Variants in SPTBN1 observed in about 807,000 individuals in gnomAD.
SPTBN1 encodes the protein spectrin beta, non-erythrocytic 1.
In SPTBN1, 32 loss-of-function variants were observed where a neutral mutation model predicts 266.4. The ratio of observed to expected loss-of-function variants is 0.12; its 90% confidence interval spans 0.09 to 0.16. SPTBN1 has a LOEUF of 0.16. SPTBN1 is among the 10% of genes least tolerant of loss of function. The pLI, the probability that SPTBN1 is intolerant of heterozygous loss-of-function variation, is 1.00. For synonymous variants in SPTBN1, 1,336 were observed against 1,162.2 expected (o/e 1.15, Z -3.04); for missense variants, 2,296 against 3,067.1 (o/e 0.75, Z 5.94).
chr2:54,475,834 G>T (rs146483329), intron 1 of SPTBN1, among the ~76,000 whole-genome samples: 1 of 152,044 alleles, frequency 6.6e-6, no homozygotes, highest in Non-Finnish European at 1.5e-5. Context: ...TGTGTCAAAG[G>T]CCTCACCTCC....
At chr2:54,568,611 T>G (rs1327609602) in intron 2 of SPTBN1, among the ~76,000 whole-genome samples, 1 of 152,218 alleles carries the variant, frequency 6.6e-6, no homozygotes, top group Non-Finnish European at 1.5e-5. Flanking sequence ...GAAGTAAGTC[T>G]TTTATAGAAT....
chr2:54,544,045 C>T (rs1672096086), intron 2 of SPTBN1, among the ~76,000 whole-genome samples: 1 of 152,154 alleles, frequency 6.6e-6, no homozygotes, highest in Non-Finnish European at 1.5e-5. Context: ...ATTTATAATA[C>T]TTAAAATGTG....
chr2:54,644,208 G>A, intron 19 of SPTBN1, 115 bp from the exon 20 acceptor site: 1 of 1,299,312 alleles, frequency 7.7e-7, no homozygotes, highest in South Asian at 1.4e-5. Context: ...GAAAGACTGT[G>A]TGTATTGAGT....
chr2:54,461,552 T>G (rs1474309456), intron 1 of SPTBN1, among the ~76,000 whole-genome samples: 1 of 152,258 alleles, frequency 6.6e-6, no homozygotes, highest in African/African-American at 2.4e-5. Flanking sequence ...GCGATTATGT[T>G]GATCGTGTTC....
At chr2:54,582,253 A>G (rs1206321391) in intron 2 of SPTBN1, among the ~76,000 whole-genome samples, 13 of 152,190 alleles carry the variant, frequency 8.5e-5, no homozygotes, top group Non-Finnish European at 1.5e-5. Context: ...ATGCCAGAGC[A>G]TAAGGGATGT....
At position 54,577,751 on chromosome 2, in the gene SPTBN1, G is replaced by A. The variant is rs556073684; in HGVS notation, c.149-21341G>A. Among the ~76,000 whole-genome samples the A allele has an allele frequency of 8.5e-5, 13 of 152,296 alleles. 1 individual carries two copies. The highest frequency in any genetic ancestry group is 1.9e-4 in the East Asian group (1 of 5,188). ...GCCAGGATTCCAACCCACGCAGTGC[G>A]CTTTGGGACTCAATTTTTAACCATC... On this transcript the variant is annotated intron_variant, in intron 2 of 35. Coordinates refer to ENST00000356805, the MANE Select transcript of SPTBN1 (RefSeq NM_003128.3).
chr2:54,459,535 G>A (rs532414383), intron 1 of SPTBN1, among the ~76,000 whole-genome samples: 19 of 152,182 alleles, frequency 1.2e-4, no homozygotes, highest in African/African-American at 4.6e-4. Flanking sequence ...ATTCAGTGTG[G>A]ATTTTGTCGA....
chr2:54,493,093 C>T (rs1372452616), intron 1 of SPTBN1, among the ~76,000 whole-genome samples: 1 of 149,220 alleles, frequency 6.7e-6, no homozygotes, highest in Non-Finnish European at 1.5e-5. Context: ...GCAACCTCCG[C>T]TTCCTGGGTT....
chr2:54,543,013 C>T (rs1419011025), intron 2 of SPTBN1, among the ~76,000 whole-genome samples: 1 of 152,200 alleles, frequency 6.6e-6, no homozygotes, highest in Non-Finnish European at 1.5e-5. Context: ...GAGGCTCTCT[C>T]AGTCTGCCTG....
chr2:54,615,918 C>T (rs894258930), intron 4 of SPTBN1, among the ~76,000 whole-genome samples: 3 of 152,178 alleles, frequency 2.0e-5, no homozygotes, highest in African/African-American at 7.2e-5. Context: ...AACCCCTGTG[C>T]TAGATTCTCA....
At chr2:54,574,352 C>T (rs1424085558) in intron 2 of SPTBN1, among the ~76,000 whole-genome samples, 1 of 152,190 alleles carries the variant, frequency 6.6e-6, no homozygotes, top group African/African-American at 2.4e-5. Flanking sequence ...TTACCTCACA[C>T]TGCTTCTCCG....
chr2:54,557,832 C>T (rs549690207), intron 2 of SPTBN1: 2 of 985,444 alleles, frequency 2.0e-6, no homozygotes, highest in Admixed American at 6.1e-5. Context: ...CGAACTTACA[C>T]CTCCCCTGGC....
chr2:54,543,610 A>G, intron 2 of SPTBN1, among the ~76,000 whole-genome samples: 1 of 152,168 alleles, frequency 6.6e-6, no homozygotes, highest in Non-Finnish European at 1.5e-5. Context: ...TTTAATTAAA[A>G]AAATTAATAT....
chr2:54,522,370 C>G (rs1038065496), intron 1 of SPTBN1, among the ~76,000 whole-genome samples: 5 of 152,034 alleles, frequency 3.3e-5, no homozygotes, highest in Non-Finnish European at 7.4e-5. Context: ...TAGGCTCGCA[C>G]CTGTAATCCC....
At chr2:54,532,332 C>T (rs915026925) in intron 2 of SPTBN1, among the ~76,000 whole-genome samples, 6 of 152,168 alleles carry the variant, frequency 3.9e-5, no homozygotes, top group African/African-American at 1.4e-4. Flanking sequence ...TTGTCATATA[C>T]TCCAAAATTT....
chr2:54,484,059 G>C (rs1396742225), intron 1 of SPTBN1, among the ~76,000 whole-genome samples: 1 of 152,184 alleles, frequency 6.6e-6, no homozygotes, highest in Non-Finnish European at 1.5e-5. Flanking sequence ...GCTGGGCATG[G>C]TGGTATGTGC....
chr2:54,559,682 A>C (rs921905829), intron 2 of SPTBN1, among the ~76,000 whole-genome samples: 2 of 152,188 alleles, frequency 1.3e-5, no homozygotes, highest in African/African-American at 4.8e-5. Context: ...GCAGTGTCTC[A>C]GAGCTTATAC....
chr2:54,508,034 G>A (rs1017224360), intron 1 of SPTBN1, among the ~76,000 whole-genome samples: 1 of 152,166 alleles, frequency 6.6e-6, no homozygotes, highest in Non-Finnish European at 1.5e-5. Flanking sequence ...TGAAAGTATT[G>A]GAGGGTACCT....
intron 1 of SPTBN1, among the ~76,000 whole-genome samples, chr2:54,485,185 CGT>C: frequency 6.6e-6 from 1 of 151,820 alleles, no homozygotes; most frequent in Non-Finnish European, 1.5e-5. Context: ...TCTCCCTCTC[CGT>C]CTCCCTCTCG....
Sources: allele counts gnomAD v4.1 joint callset (sites outside exome capture counted in the v4.1 genomes callset), GRCh38; gene constraint gnomAD v4.1.1; transcripts MANE v1.5; gene names NCBI Gene and HGNC (gene_info 2026-07-23, HGNC 2026-07-21).